The following GPR19 variants were observed in gnomAD, a reference collection of about 807,000 sequenced individuals.
GPR19 encodes probable G protein-coupled receptor 19.
GPR19 carries 14 observed loss-of-function variants against 28.5 expected under a neutral mutation model. That is an observed-to-expected ratio of 0.49 (90% CI 0.32 to 0.77). The LOEUF is 0.77. GPR19 is among the 30% of genes least tolerant of loss of function. The pLI, the probability that GPR19 is intolerant of heterozygous loss-of-function variation, is 0.03. For missense variants in GPR19, 409 were observed against 504.1 expected (o/e 0.81, Z 1.81); for synonymous variants, 173 against 184.1 (o/e 0.94, Z 0.49).
upstream of GPR19, among the ~76,000 whole-genome samples, chr12:12,700,939 G>A (rs905623719): frequency 1.3e-5 from 2 of 151,892 alleles, no homozygotes; most frequent in African/African-American, 4.8e-5. Flanking sequence ...CTAAATTGTC[G>A]AATGTTTCTG....
the GPR19 span, chr12:12,703,453 G>A: frequency 1.4e-5 from 14 of 983,730 alleles, no homozygotes; most frequent in Non-Finnish European, 1.6e-5. Context: ...AGGTTCGCAG[G>A]TAAATGGTAA....
At chr12:12,686,476 T>C (rs541002679) in intron 2 of GPR19, among the ~76,000 whole-genome samples, 2 of 152,222 alleles carry the variant, frequency 1.3e-5, no homozygotes, top group Non-Finnish European at 2.9e-5. Context: ...CCTCTCTTAG[T>C]CAAGAATAAT....
chr12:12,701,128 C>G (rs1045780300), upstream of GPR19, among the ~76,000 whole-genome samples: 2 of 152,180 alleles, frequency 1.3e-5, no homozygotes, highest in Admixed American at 6.5e-5. Context: ...TGGTTTTGCA[C>G]CTTCATTTAC....
At chr12:12,717,086 C>A in the GPR19 span, 1 of 1,010,572 alleles carries the variant, frequency 9.9e-7, no homozygotes, top group Non-Finnish European at 1.2e-6. Context: ...GGCCCCGCCC[C>A]AGGTTCCCGG....
At chr12:12,694,188 CTTTTTTTTTTT>C (rs147543699) in intron 2 of GPR19, among the ~76,000 whole-genome samples, 14 of 43,854 alleles carry the variant, frequency 3.2e-4, no homozygotes, top group South Asian at 1.2e-3. Flanking sequence ...GAGTACCTGT[CTTTTTTTTTTT>C]TTTTTTTTTT....
chr12:12,685,622 C>G (rs1242549254), intron 2 of GPR19, among the ~76,000 whole-genome samples: 2 of 152,178 alleles, frequency 1.3e-5, no homozygotes, highest in Non-Finnish European at 2.9e-5. Flanking sequence ...GGGATTTAAA[C>G]AGTATTCTCA....
chr12:12,685,783 T>C (rs1183830732), intron 2 of GPR19, among the ~76,000 whole-genome samples: 4 of 152,158 alleles, frequency 2.6e-5, no homozygotes, highest in Non-Finnish European at 5.9e-5. Flanking sequence ...GCTTCACAGA[T>C]TGACCCTGAA....
intron 2 of GPR19, among the ~76,000 whole-genome samples, chr12:12,692,525 G>A (rs1000240914): frequency 7.9e-5 from 12 of 151,916 alleles, no homozygotes; most frequent in African/African-American, 1.9e-4. Context: ...GAGCTACTGC[G>A]CCTGACTCAA....
intron 2 of GPR19, among the ~76,000 whole-genome samples, chr12:12,687,650 T>C (rs1946115804): frequency 1.3e-5 from 2 of 152,208 alleles, no homozygotes; most frequent in Admixed American, 6.5e-5. Flanking sequence ...ACTGAAAATA[T>C]TGGGGATAGT....
At chr12:12,711,815 T>C in the GPR19 span, among the ~76,000 whole-genome samples, 1 of 152,164 alleles carries the variant, frequency 6.6e-6, no homozygotes, top group Non-Finnish European at 1.5e-5. Flanking sequence ...AAATTCGTCC[T>C]CCCTTTCTCC....
upstream of GPR19, among the ~76,000 whole-genome samples, chr12:12,700,728 A>G (rs1946318125): frequency 6.6e-6 from 1 of 152,242 alleles, no homozygotes. Context: ...GTAACTAGCC[A>G]TCTGTGTTTA....
At chr12:12,713,057 CTTTTTTTTT>C in the GPR19 span, among the ~76,000 whole-genome samples, 1 of 108,086 alleles carries the variant, frequency 9.3e-6, no homozygotes, top group African/African-American at 3.5e-5. Flanking sequence ...ATCTGATGCG[CTTTTTTTTT>C]TTTTTTTTTT....
chr12:12,666,751 CTCTT>C (rs1386176012), intron 3 of GPR19, among the ~76,000 whole-genome samples: 2 of 152,162 alleles, frequency 1.3e-5, no homozygotes, highest in Admixed American at 6.5e-5. Flanking sequence ...AAATAAATGA[CTCTT>C]ACTCTATGTG....
intron 2 of GPR19, chr12:12,688,794 C>G (rs1446460740): frequency 6.6e-6 from 1 of 152,158 alleles, no homozygotes; most frequent in Non-Finnish European, 1.5e-5. Flanking sequence ...GGGAGGTGGC[C>G]AATACTCCCT....
At chr12:12,705,020 T>C in the GPR19 span, among the ~76,000 whole-genome samples, 2 of 152,172 alleles carry the variant, frequency 1.3e-5, no homozygotes, top group Non-Finnish European at 2.9e-5. Context: ...GATACACCAA[T>C]ATAGAAGATC....
the GPR19 span, among the ~76,000 whole-genome samples, chr12:12,712,901 A>G: frequency 6.6e-6 from 1 of 151,952 alleles, no homozygotes; most frequent in Non-Finnish European, 1.5e-5. Flanking sequence ...ATATTTCTTC[A>G]CTTCCCACAT....
chr12:12,702,611 GT>G, the GPR19 span, among the ~76,000 whole-genome samples: 7 of 151,774 alleles, frequency 4.6e-5, no homozygotes, highest in East Asian at 1.4e-3. Flanking sequence ...GTGCCTTCTC[GT>G]TTTTTTTCTC....
rs1318280891 is a variant in GPR19, at chr12:12,664,061, T to C, written c.-22-1591A>G. 2.6e-5 allele frequency among the ~76,000 whole-genome samples: 4 copies of C among 152,300 alleles called. No homozygotes were observed. The East Asian group carries it at 5.8e-4, about 22-fold the overall frequency. On this transcript the variant is annotated intron_variant, in intron 3 of 3. Coordinates refer to ENST00000651487, the MANE Select transcript of GPR19 (RefSeq NM_006143.3). ...CGGGCTGGTGTGCAGTGGCGCGATC[T>C]CTGCTCAATGCAACCTCCCCCTCCC...
intron 3 of GPR19, among the ~76,000 whole-genome samples, chr12:12,665,629 G>A (rs918666675): frequency 1.3e-5 from 2 of 151,976 alleles, no homozygotes; most frequent in African/African-American, 2.4e-5. Context: ...ACAAGGTCAG[G>A]AGATCGAGAC....
Sources: allele counts gnomAD v4.1 joint callset (sites outside exome capture counted in the v4.1 genomes callset), GRCh38; gene constraint gnomAD v4.1.1; transcripts MANE v1.5; gene names NCBI Gene and HGNC (gene_info 2026-07-23, HGNC 2026-07-21).